KAZN: variants seen among roughly 807,000 people sequenced by gnomAD.
The protein encoded by KAZN is kazrin, periplakin interacting protein, also known as kazrin.
Under a neutral mutation model 87.4 loss-of-function variants are expected in KAZN, and 40 were observed. The observed-to-expected ratio is 0.46, with a 90% CI of 0.36 to 0.60. KAZN has a LOEUF of 0.60. Among genes scored for constraint, KAZN ranks in the 20% least tolerant of loss-of-function variants. KAZN has a pLI of 0.00. For missense variants in KAZN, 898 were observed against 1,073.9 expected (o/e 0.84, Z 2.29); for synonymous variants, 466 against 458.3 (o/e 1.02, Z -0.22).
chr1:15,081,093 G>A lies in KAZN; in HGVS notation c.1223-13087G>A, dbSNP rs1284907967. Among the ~76,000 whole-genome samples, 9 of 152,240 alleles carry A rather than the reference G, an allele frequency of 5.9e-5. No individual in the cohort carries two copies. In the South Asian group the frequency reaches 8.3e-4, roughly 14 times the overall value. ...TGGCTGGAAGAGGCGTGGACGAGGCGGGGTTGGCAGAAGATGAGACCACAG... is the reference window on the plus strand; with the variant it reads ...TGGCTGGAAGAGGCGTGGACGAGGCAGGGTTGGCAGAAGATGAGACCACAG... On this transcript the variant is annotated intron_variant, in intron 8 of 14. Coordinates refer to ENST00000376030, the MANE Select transcript of KAZN (RefSeq NM_201628.3). This position sits in a 1 kb window ranked among gnomAD's most constrained non-coding sequence, Gnocchi z 4.1.
At chr1:14,911,318 A>C (rs946547670) in intron 1 of KAZN, among the ~76,000 whole-genome samples, 3 of 152,196 alleles carry the variant, frequency 2.0e-5, no homozygotes, top group Non-Finnish European at 4.4e-5. Flanking sequence ...AGGATGATGA[A>C]AGAGAAGTGA....
intron 2 of KAZN, among the ~76,000 whole-genome samples, chr1:14,274,178 T>C (rs1311482622): frequency 6.6e-6 from 1 of 152,208 alleles, no homozygotes; most frequent in Non-Finnish European, 1.5e-5. Context: ...AATATTTTTG[T>C]ACGTGAAAAA....
intron 2 of KAZN, among the ~76,000 whole-genome samples, chr1:14,342,445 G>A (rs1343363748): frequency 1.3e-5 from 2 of 152,134 alleles, no homozygotes; most frequent in East Asian, 3.9e-4. Flanking sequence ...ACTAATTTAT[G>A]GCACGTATTC....
chr1:14,514,750 C>T (rs370031910), intron 2 of KAZN, among the ~76,000 whole-genome samples: 46 of 150,196 alleles, frequency 3.1e-4, no homozygotes, highest in East Asian at 2.2e-3. Context: ...ACTAGTTATA[C>T]GGTCTTGACA....
At chr1:13,963,368 G>C (rs373337737) in intron 1 of KAZN, among the ~76,000 whole-genome samples, 9 of 152,070 alleles carry the variant, frequency 5.9e-5, no homozygotes, top group Non-Finnish European at 1.2e-4. Flanking sequence ...ATTTGGGGAC[G>C]GTAGTGGGCA....
chr1:14,746,918 A>C (rs1204909848), intron 1 of KAZN, among the ~76,000 whole-genome samples: 1 of 152,176 alleles, frequency 6.6e-6, no homozygotes, highest in Non-Finnish European at 1.5e-5. Flanking sequence ...TCAATAGAGT[A>C]TTGTACAACC....
chr1:14,127,622 A>G (rs1644902607), intron 1 of KAZN, among the ~76,000 whole-genome samples: 1 of 152,150 alleles, frequency 6.6e-6, no homozygotes, highest in Non-Finnish European at 1.5e-5. Context: ...ATCCTTGATA[A>G]CAGATAACAC....
At chr1:14,290,805 T>A (rs941190233) in intron 2 of KAZN, among the ~76,000 whole-genome samples, 3 of 152,226 alleles carry the variant, frequency 2.0e-5, no homozygotes, top group Admixed American at 6.5e-5. Flanking sequence ...TTTCTCCCCA[T>A]CTTTGTGGTT....
intron 1 of KAZN, among the ~76,000 whole-genome samples, chr1:14,799,208 C>G (rs562663478): frequency 2.6e-5 from 4 of 152,326 alleles, no homozygotes; most frequent in African/African-American, 9.6e-5. Flanking sequence ...AAGGCCCCCT[C>G]TTAATACTAC....
chr1:14,611,609 G>A (rs1294180241), intron 1 of KAZN, among the ~76,000 whole-genome samples: 4 of 151,762 alleles, frequency 2.6e-5, no homozygotes, highest in Admixed American at 6.6e-5. Context: ...GATCAACTTG[G>A]GACCAGGAGT....
At chr1:14,873,451 T>C (rs1339283201) in intron 1 of KAZN, among the ~76,000 whole-genome samples, 1 of 152,082 alleles carries the variant, frequency 6.6e-6, no homozygotes, top group Non-Finnish European at 1.5e-5. Flanking sequence ...TAAAGCAGCA[T>C]TTGAGAAAGC....
At chr1:14,001,161 C>G (rs566942010) in intron 1 of KAZN, among the ~76,000 whole-genome samples, 1 of 152,176 alleles carries the variant, frequency 6.6e-6, no homozygotes, top group African/African-American at 2.4e-5. Flanking sequence ...AGCAAAGTCT[C>G]AGCATACAAA....
chr1:14,392,408 C>T (rs566881355), intron 2 of KAZN, among the ~76,000 whole-genome samples: 1 of 152,228 alleles, frequency 6.6e-6, no homozygotes, highest in African/African-American at 2.4e-5. Flanking sequence ...CATCATCTCT[C>T]CTGTAGCTGG....
chr1:14,171,969 T>G (rs954017151), intron 1 of KAZN, among the ~76,000 whole-genome samples: 1 of 143,298 alleles, frequency 7.0e-6, no homozygotes, highest in Non-Finnish European at 1.5e-5. Context: ...GCGTGTCATT[T>G]TTTTCCTCTG....
intron 2 of KAZN, among the ~76,000 whole-genome samples, chr1:14,972,590 A>C (rs957361647): frequency 3.3e-5 from 5 of 149,922 alleles, no homozygotes; most frequent in African/African-American, 9.8e-5. Flanking sequence ...ATCTCAGCTC[A>C]CTGCAACCCT....
At chr1:14,540,818 T>C (rs1557786756) in intron 2 of KAZN, among the ~76,000 whole-genome samples, 2 of 152,234 alleles carry the variant, frequency 1.3e-5, no homozygotes, top group Non-Finnish European at 2.9e-5. Context: ...TACCTTGTCC[T>C]CTACATGTTA....
At chr1:14,429,252 C>T (rs1053762393) in intron 2 of KAZN, among the ~76,000 whole-genome samples, 5 of 152,184 alleles carry the variant, frequency 3.3e-5, no homozygotes, top group Admixed American at 3.3e-4. Context: ...TGAAGCCCCA[C>T]AGGGCCCTCC....
intron 8 of KAZN, among the ~76,000 whole-genome samples, chr1:15,070,346 G>A (rs1639450837): frequency 6.6e-6 from 1 of 152,224 alleles, no homozygotes; most frequent in Non-Finnish European, 1.5e-5. Context: ...ATCAGCGGGG[G>A]AATCAGAGCA....
intron 6 of KAZN, chr1:15,062,704 A>G (rs1638894896): frequency 6.6e-6 from 1 of 152,260 alleles, no homozygotes; most frequent in African/African-American, 2.4e-5. Flanking sequence ...GTTTTGATCC[A>G]AAGGATCTGT....
Sources: gnomAD v4.1 joint callset for allele counts (sites outside exome capture counted in the v4.1 genomes callset) on GRCh38, gnomAD v4.1.1 for gene constraint, Gnocchi (gnomAD v3.1) non-coding constraint, MANE v1.5 for transcripts, NCBI Gene and HGNC (gene_info 2026-07-23, HGNC 2026-07-21) for gene names.